SMC1B: variants seen among roughly 807,000 people sequenced by gnomAD.
SMC1B encodes the protein structural maintenance of chromosomes protein 1B.
Under a neutral mutation model 157.9 loss-of-function variants are expected in SMC1B, and 60 were observed. The observed-to-expected ratio is 0.38, with a 90% confidence interval of 0.31 to 0.47. The LOEUF (loss-of-function observed/expected upper bound fraction) is 0.47. SMC1B is among the 20% of genes least tolerant of loss of function. SMC1B has a pLI of 0.99. For synonymous variants in SMC1B, 445 were observed against 483.0 expected (o/e 0.92, Z 1.03); for missense variants, 1,165 against 1,426.2 (o/e 0.82, Z 2.95).
chr22:45,361,829 T>C lies in SMC1B; in HGVS notation c.2708+10A>G, dbSNP rs753564765. 2.5e-6 allele frequency: 4 copies of C among 1,612,072 alleles called. No individual in the cohort carries two copies. Among genetic ancestry groups the C allele is most frequent in the Admixed American group, 3.4e-5 (2 of 59,530 alleles). On this transcript the variant is annotated intron_variant, in intron 17 of 24. Coordinates refer to ENST00000357450, the MANE Select transcript of SMC1B (RefSeq NM_148674.5). ...GACTAGGTCTTTCAAACTGATGAAG[T>C]CTTAATTACCTATCAACAGCCAGAA...
chr22:45,402,742 A>G (rs1210415395), intron 4 of SMC1B, among the ~76,000 whole-genome samples, 171 bp from the exon 5 acceptor site: 4 of 152,232 alleles, frequency 2.6e-5, no homozygotes, highest in Non-Finnish European at 5.9e-5. Flanking sequence ...ATACTTTTTA[A>G]ATAACCCAAT....
intron 12 of SMC1B, among the ~76,000 whole-genome samples, chr22:45,378,310 C>T (rs191265454): frequency 3.3e-4 from 50 of 152,184 alleles, no homozygotes; most frequent in African/African-American, 1.1e-3. Flanking sequence ...GTCACTATTT[C>T]TTATTTCATT....
chr22:45,362,612 A>G (rs974645461), intron 16 of SMC1B, among the ~76,000 whole-genome samples: 2 of 152,212 alleles, frequency 1.3e-5, no homozygotes, highest in Admixed American at 6.5e-5. Context: ...CTCAAGCTCC[A>G]CAGGTCCAGA....
intron 20 of SMC1B, among the ~76,000 whole-genome samples, chr22:45,354,384 A>C (rs913043488): frequency 1.3e-5 from 2 of 151,844 alleles, no homozygotes; most frequent in Non-Finnish European, 2.9e-5. Flanking sequence ...GTATGTATGT[A>C]AGTATGTATG....
intron 23 of SMC1B, among the ~76,000 whole-genome samples, chr22:45,349,354 TG>T (rs982093186): frequency 6.6e-6 from 1 of 151,256 alleles, no homozygotes; most frequent in Non-Finnish European, 1.5e-5. Flanking sequence ...TTTGTTTTTT[TG>T]AGACAGAGTC....
In SMC1B at chr22:45,383,488, G is replaced by C. The variant is rs777304311; in HGVS notation, c.2037C>G (p.Ser679Arg). The change falls in exon 12 of 25, where the codon AGC becomes AGG. Residue 679 changes from serine (S) to arginine (R), a missense_variant. Ser to Arg is a moderately radical substitution (Grantham distance 110). Transcript: ENST00000357450. ...TTACCTTTAGCTCTTGGATTTTCTG[G>C]CTTCGTCTGTCTCTTAGATTCTTTA... ...KELKNLRDRR[S>R]QKIQELKGLM... is the part of the protein sequence containing the mutation. 1.1e-5 allele frequency: 17 copies of C among 1,598,944 alleles called. No individual in the cohort carries two copies. Among genetic ancestry groups the C allele is most frequent in the South Asian group, 3.4e-5 (3 of 88,592 alleles).
intron 23 of SMC1B, among the ~76,000 whole-genome samples, chr22:45,349,033 T>TG (rs1447075435): frequency 6.8e-6 from 1 of 147,880 alleles, no homozygotes; most frequent in Non-Finnish European, 1.5e-5. Context: ...TTTTTTTTTT[T>TG]TTTGAGACAG....
Position 45,371,607 on chromosome 22 carries a change from A to T in SMC1B, c.2197-20T>A, listed in dbSNP as rs761243190. 1.6e-5 allele frequency: 25 copies of T among 1,572,892 alleles called. No homozygotes were observed. The Admixed American group carries it at 2.4e-4, about 15-fold the overall frequency. On this transcript the variant is annotated intron_variant, in intron 13 of 24. Coordinates refer to ENST00000357450, the MANE Select transcript of SMC1B (RefSeq NM_148674.5). ...TTGTTCCTAATAACAAAAGAGAAAA[A>T]TTTTTTTAACATGGCTGTTTTAGCT...
chr22:45,366,559 G>A (rs1425123181), intron 15 of SMC1B, among the ~76,000 whole-genome samples: 1 of 152,166 alleles, frequency 6.6e-6, no homozygotes, highest in Non-Finnish European at 1.5e-5. Flanking sequence ...AAAAGACAGT[G>A]ATCCCAAATA....
intron 7 of SMC1B, among the ~76,000 whole-genome samples, chr22:45,395,818 T>C (rs1420791045): frequency 6.6e-6 from 1 of 152,128 alleles, no homozygotes; most frequent in East Asian, 1.9e-4. Context: ...GATCGCGTCA[T>C]TGCACTCTAG....
rs571521983 is a variant in SMC1B, at chr22:45,403,397, G to A, written c.616-826C>T. ...ATTGAGTATCTACTATGAGCCAGGT[G>A]CTGGTCTATGCATTGAGAATATAGC... is the stretch of plus-strand genomic sequence containing the variant. On this transcript the variant is annotated intron_variant, in intron 4 of 24. Coordinates refer to ENST00000357450, the MANE Select transcript of SMC1B (RefSeq NM_148674.5). 1.2e-4 allele frequency among the ~76,000 whole-genome samples: 18 copies of A among 152,260 alleles called. No individual in the cohort carries two copies. In the South Asian group the frequency reaches 3.7e-3, roughly 32 times the overall value.
intron 23 of SMC1B, among the ~76,000 whole-genome samples, chr22:45,348,819 C>T (rs963805193): frequency 6.6e-6 from 1 of 151,788 alleles, no homozygotes; most frequent in Non-Finnish European, 1.5e-5. Flanking sequence ...CCACCTCAGC[C>T]TCTTGAGTAG....
intron 10 of SMC1B, 139 bp from the exon 11 acceptor site, chr22:45,387,185 C>T (rs770876245): frequency 2.7e-5 from 19 of 704,078 alleles, no homozygotes; most frequent in African/African-American, 9.0e-5. Flanking sequence ...GTGATGCTCA[C>T]GCCTGTAATC....
intron 22 of SMC1B, 127 bp downstream of exon 22, chr22:45,352,324 C>T (rs140008927): frequency 1.6e-5 from 13 of 806,912 alleles, no homozygotes; most frequent in Admixed American, 3.4e-5. Flanking sequence ...AATTGTCTGG[C>T]TGAAGAAGAT....
intron 15 of SMC1B, among the ~76,000 whole-genome samples, chr22:45,363,575 G>A (rs914248836): frequency 6.6e-6 from 1 of 152,024 alleles, no homozygotes; most frequent in Non-Finnish European, 1.5e-5. Context: ...CAGCTACTCA[G>A]TAAGCTGAGG....
chr22:45,389,449 G>T (rs944725453), intron 10 of SMC1B, among the ~76,000 whole-genome samples: 5 of 152,180 alleles, frequency 3.3e-5, no homozygotes, highest in Non-Finnish European at 7.4e-5. Flanking sequence ...GTAGAGTGGT[G>T]CACTGCTAGT....
Position 45,410,292 on chromosome 22 carries a change from C to A in SMC1B, c.110-1394G>T, listed in dbSNP as rs192037471. On this transcript the variant is annotated intron_variant, in intron 1 of 24. Coordinates refer to ENST00000357450, the MANE Select transcript of SMC1B (RefSeq NM_148674.5). Reference sequence around the variant, plus strand: ...CTAACCCCAATGTTAAATCTGTTACCCAATCATTGGCCCATAATTTTCTCT... The same window carrying A: ...CTAACCCCAATGTTAAATCTGTTACACAATCATTGGCCCATAATTTTCTCT... 2.0e-5 allele frequency among the ~76,000 whole-genome samples: 3 copies of A among 152,270 alleles called. No homozygotes were observed. In the East Asian group the frequency reaches 5.8e-4, roughly 29 times the overall value.
At chr22:45,373,875 A>T (rs2086858004) in intron 12 of SMC1B, among the ~76,000 whole-genome samples, 1 of 152,232 alleles carries the variant, frequency 6.6e-6, no homozygotes, top group Admixed American at 6.5e-5. Context: ...CATAATTTGG[A>T]ATCTAAAGTT....
intron 17 of SMC1B, among the ~76,000 whole-genome samples, chr22:45,360,750 T>C (rs1381796468): frequency 2.0e-5 from 3 of 152,216 alleles, no homozygotes; most frequent in Non-Finnish European, 2.9e-5. Flanking sequence ...CAAAGAACTT[T>C]CTGGCTGTAT....
Sources: allele counts gnomAD v4.1 joint callset (sites outside exome capture counted in the v4.1 genomes callset), GRCh38; gene constraint gnomAD v4.1.1; transcripts MANE v1.5; gene names NCBI Gene and HGNC (gene_info 2026-07-23, HGNC 2026-07-21).